GAB4: variants seen among roughly 807,000 people sequenced by gnomAD.
GAB4 encodes the protein GRB2-associated-binding protein 4.
In GAB4, 26 loss-of-function variants were observed where a neutral mutation model predicts 51.3. The ratio of observed to expected loss-of-function variants is 0.51; its 90% CI spans 0.37 to 0.70. The LOEUF is 0.70. Among genes scored for constraint, GAB4 ranks in the 30% least tolerant of loss-of-function variants. GAB4 has a pLI of 0.00. For synonymous variants in GAB4, 329 were observed against 291.2 expected (o/e 1.13, Z -1.32); for missense variants, 759 against 734.6 (o/e 1.03, Z -0.38).
At chr22:16,997,383 T>C (rs772899653) in intron 1 of GAB4, among the ~76,000 whole-genome samples, 15 of 152,382 alleles carry the variant, frequency 9.8e-5, no homozygotes, top group South Asian at 6.2e-4. Flanking sequence ...TTTGCATTTC[T>C]CTGATGGCCA....
chr22:16,999,489 C>G (rs1367497302), intron 1 of GAB4, among the ~76,000 whole-genome samples: 2 of 151,942 alleles, frequency 1.3e-5, no homozygotes, highest in Non-Finnish European at 2.9e-5. Context: ...TGGTGATATC[C>G]CCTTTATCAC....
rs143285698 is a variant in GAB4, at chr22:16,970,826, G to A, written c.687-633C>T. ...ACGGTGGTTAGAGAGGCAATTCGAAGGAAAAGTTTCTCTCCCCAGAAACCT... is the reference window on the plus strand; with the variant it reads ...ACGGTGGTTAGAGAGGCAATTCGAAAGAAAAGTTTCTCTCCCCAGAAACCT... On this transcript the variant is annotated intron_variant, in intron 3 of 9. Coordinates refer to ENST00000400588, the MANE Select transcript of GAB4 (RefSeq NM_001037814.1). 4.8e-3 allele frequency among the ~76,000 whole-genome samples: 734 copies of A among 152,248 alleles called. 13 individuals carry two copies. Among genetic ancestry groups the A allele is most frequent in the East Asian group, 0.048 (250 of 5,186 alleles).
intron 3 of GAB4, among the ~76,000 whole-genome samples, chr22:16,979,559 G>C (rs975273765): frequency 6.6e-6 from 1 of 152,188 alleles, no homozygotes; most frequent in Non-Finnish European, 1.5e-5. Flanking sequence ...CTCATGGATA[G>C]GAAGAATCAA....
intron 2 of GAB4, among the ~76,000 whole-genome samples, chr22:16,988,769 TC>T (rs1397070418): frequency 1.3e-5 from 2 of 152,178 alleles, no homozygotes; most frequent in Non-Finnish European, 2.9e-5. Context: ...ACGAGGCCTT[TC>T]ACAGTCTGAC....
At chr22:16,973,170 T>C (rs2060747167) in intron 3 of GAB4, among the ~76,000 whole-genome samples, 1 of 152,182 alleles carries the variant, frequency 6.6e-6, no homozygotes, top group Non-Finnish European at 1.5e-5. Flanking sequence ...GCATAACTGT[T>C]CTTGGAGCAG....
At position 16,964,865 on chromosome 22, in the gene GAB4, G is replaced by A; in HGVS notation, c.1380-3C>T. The A allele has an allele frequency of 1.9e-6, 3 of 1,612,338 alleles. No individual in the cohort carries two copies. The highest frequency in any genetic ancestry group is 2.5e-6 in the Non-Finnish European group (3 of 1,178,456). On this transcript the variant is annotated splice_region_variant and splice_polypyrimidine_tract_variant and intron_variant, in intron 7 of 9. Transcript: ENST00000400588. ...AGGAGCTGGAGTCAAAGGTGTGGCT[G>A]TCATGGGAAGAAGGCAAGGAGTACA...
intron 4 of GAB4, 91 bp from the exon 5 acceptor site, chr22:16,968,474 T>C: frequency 1.1e-6 from 1 of 906,968 alleles, no homozygotes; most frequent in South Asian, 1.3e-5. Context: ...AGGGTCTCGC[T>C]GATGCTCTAG....
chr22:16,966,373 AG>A lies in GAB4; in HGVS notation c.1024-10del. 6.2e-7 allele frequency: 1 copy of A among 1,605,742 alleles called. No individual in the cohort carries two copies. Among genetic ancestry groups the A allele is most frequent in the Non-Finnish European group, 8.5e-7 (1 of 1,174,336 alleles). ...ACAAGCGTTCTTCCTGGCTAGGAAG[AG>A]GACAGTGAAAGAAACACAGCTATCA... On this transcript the variant is annotated splice_polypyrimidine_tract_variant and intron_variant, in intron 5 of 9. Transcript: ENST00000400588.
chr22:17,001,194 A>T (rs1286597959), intron 1 of GAB4, among the ~76,000 whole-genome samples: 2 of 152,204 alleles, frequency 1.3e-5, no homozygotes, highest in Non-Finnish European at 2.9e-5. Context: ...CTGCCTTGCT[A>T]GGTTGGGGAA....
At position 16,966,290 on chromosome 22, in the gene GAB4, G is replaced by C; in HGVS notation, c.1098C>G (p.Ser366=). 2.5e-6 allele frequency: 4 copies of C among 1,613,898 alleles called. No individual in the cohort carries two copies. The highest frequency in any genetic ancestry group is 2.5e-6 in the Non-Finnish European group (3 of 1,180,004). The part of the protein sequence containing the change: ...EGSCVPMNPG[S]PTLPAVKQAG... ...CTTGCTTCACAGCCGGCAGGGTAGGGGAGCCTGGGTTCATGGGCACACAGC... is the reference window on the plus strand; with the variant it reads ...CTTGCTTCACAGCCGGCAGGGTAGGCGAGCCTGGGTTCATGGGCACACAGC... The change falls in exon 6 of 10, where the codon TCC becomes TCG. Residue 366 remains serine, a synonymous_variant. Coordinates refer to ENST00000400588, the MANE Select transcript of GAB4 (RefSeq NM_001037814.1).
chr22:17,001,202 G>T (rs1405872070), intron 1 of GAB4, among the ~76,000 whole-genome samples: 2 of 152,194 alleles, frequency 1.3e-5, no homozygotes, highest in Non-Finnish European at 2.9e-5. Flanking sequence ...CTAGGTTGGG[G>T]AAATTCTCCT....
intron 1 of GAB4, among the ~76,000 whole-genome samples, chr22:17,000,825 G>A (rs911164280): frequency 6.6e-6 from 1 of 152,188 alleles, no homozygotes; most frequent in Non-Finnish European, 1.5e-5. Flanking sequence ...CTCTTGTAAG[G>A]AAGGCCTGGT....
At chr22:16,995,193 G>A (rs1483217132) in intron 1 of GAB4, among the ~76,000 whole-genome samples, 1 of 152,144 alleles carries the variant, frequency 6.6e-6, no homozygotes, top group African/African-American at 2.4e-5. Flanking sequence ...TGGGCTGAGG[G>A]TAGAGGAGAG....
At chr22:16,991,142 A>C (rs5746955) in intron 2 of GAB4, among the ~76,000 whole-genome samples, 1 of 152,016 alleles carries the variant, frequency 6.6e-6, no homozygotes, top group Non-Finnish European at 1.5e-5. Context: ...AAAAAGTGGG[A>C]AAGAGTGGAG....
chr22:16,996,914 T>C (rs548683583), intron 1 of GAB4, among the ~76,000 whole-genome samples: 92 of 151,186 alleles, frequency 6.1e-4, no homozygotes, highest in African/African-American at 2.2e-3. Context: ...ATGCGGTGTT[T>C]GGTTTTCTGT....
intron 1 of GAB4, among the ~76,000 whole-genome samples, chr22:16,999,034 C>T (rs74459650): frequency 1.3e-5 from 2 of 152,240 alleles, no homozygotes; most frequent in African/African-American, 4.8e-5. Context: ...CTGCTGGGTT[C>T]GGTTTGCCAC....
chr22:16,969,273 C>G (rs553772601), intron 4 of GAB4, among the ~76,000 whole-genome samples: 1 of 152,218 alleles, frequency 6.6e-6, no homozygotes. Flanking sequence ...TTGGACTGAT[C>G]TCCTAAACTT....
chr22:16,991,330 C>T (rs190473969), intron 2 of GAB4, among the ~76,000 whole-genome samples: 282 of 147,676 alleles, frequency 1.9e-3, no homozygotes, highest in Non-Finnish European at 2.4e-3. Context: ...AAAAAAAAAG[C>T]CTGCTGCTCC....
intron 1 of GAB4, among the ~76,000 whole-genome samples, chr22:16,998,843 G>A (rs761090230): frequency 2.0e-5 from 3 of 152,130 alleles, no homozygotes; most frequent in Non-Finnish European, 4.4e-5. Context: ...AGAGTTTTTA[G>A]CATGAAGGGC....
Sources: allele counts gnomAD v4.1 joint callset (sites outside exome capture counted in the v4.1 genomes callset), GRCh38; gene constraint gnomAD v4.1.1; transcripts MANE v1.5; gene names NCBI Gene and HGNC (gene_info 2026-07-23, HGNC 2026-07-21).